The following PDE11A variants were observed in gnomAD, a reference collection of about 807,000 sequenced individuals.
PDE11A encodes dual 3',5'-cyclic-AMP and -GMP phosphodiesterase 11A.
A neutral mutation model predicts 100.5 loss-of-function variants in PDE11A; 100 were observed. The observed-to-expected ratio is 1.00, with a 90% confidence interval of 0.85 to 1.18. The LOEUF (loss-of-function observed/expected upper bound fraction) is 1.18. Among genes scored for constraint, PDE11A ranks in the 50% most tolerant of loss-of-function variants. PDE11A has a pLI of 0.00. For synonymous variants in PDE11A, 381 were observed against 420.8 expected, an observed-to-expected ratio of 0.91 and a Z score of 1.16; for missense variants, 1,141 against 1,152.6, an observed-to-expected ratio of 0.99 and a Z score of 0.15.
At chr2:177,945,445 A>G (rs2085400738) in intron 2 of PDE11A, among the ~76,000 whole-genome samples, 1 of 130,624 alleles carries the variant, frequency 7.7e-6, no homozygotes, top group Non-Finnish European at 1.7e-5. Context: ...CCATCGTCTG[A>G]GATGTGGGGA....
At chr2:177,705,387 G>A (rs1034758663) in intron 13 of PDE11A, among the ~76,000 whole-genome samples, 2 of 152,180 alleles carry the variant, frequency 1.3e-5, no homozygotes, top group East Asian at 3.8e-4. Flanking sequence ...TAGGGTGTAT[G>A]GAGAGAGGAA....
intron 10 of PDE11A, among the ~76,000 whole-genome samples, chr2:177,728,582 G>A (rs1053281874): frequency 2.0e-5 from 3 of 152,040 alleles, no homozygotes; most frequent in African/African-American, 4.8e-5. Flanking sequence ...AGAAGGAGAA[G>A]GGAATACACC....
At chr2:177,777,822 C>T (rs6743821) in intron 9 of PDE11A, among the ~76,000 whole-genome samples, 50,605 of 152,018 alleles carry the variant, frequency 0.33, 8,795 homozygotes, top group African/African-American at 0.39. Flanking sequence ...CATACAAAAG[C>T]AAACAGTTAA....
At chr2:177,720,786 G>A (rs4893987) in intron 12 of PDE11A, among the ~76,000 whole-genome samples, 78,546 of 152,040 alleles carry the variant, frequency 0.52, 23,561 homozygotes, top group East Asian at 0.86. Context: ...ATTGATTTAG[G>A]CCTAACTGGT....
intron 1 of PDE11A, among the ~76,000 whole-genome samples, chr2:178,045,179 T>TA (rs1237128093): frequency 1.3e-5 from 2 of 152,190 alleles, no homozygotes; most frequent in African/African-American, 2.4e-5. Flanking sequence ...CTCTTTGTTT[T>TA]ATGATGGATA....
intron 2 of PDE11A, among the ~76,000 whole-genome samples, chr2:177,928,980 T>C (rs1293079104): frequency 1.3e-5 from 2 of 152,192 alleles, no homozygotes; most frequent in Non-Finnish European, 2.9e-5. Flanking sequence ...AAGTAAACTG[T>C]GCTCTTTTAG....
intron 12 of PDE11A, among the ~76,000 whole-genome samples, chr2:177,725,868 T>C (rs1423922320): frequency 6.6e-6 from 1 of 152,174 alleles, no homozygotes; most frequent in Non-Finnish European, 1.5e-5. Context: ...GTCCTTGACA[T>C]TTCTAACTCA....
At chr2:178,031,056 T>A (rs987749767) in intron 1 of PDE11A, among the ~76,000 whole-genome samples, 2 of 152,088 alleles carry the variant, frequency 1.3e-5, no homozygotes, top group Admixed American at 6.6e-5. Context: ...ATTCACCACA[T>A]TAATAGTGTA....
chr2:177,951,767 A>G (rs1295259448), intron 2 of PDE11A, among the ~76,000 whole-genome samples: 3 of 152,234 alleles, frequency 2.0e-5, no homozygotes, highest in Non-Finnish European at 4.4e-5. Flanking sequence ...CTTACCTGAC[A>G]GTAAACCCCA....
intron 19 of PDE11A, among the ~76,000 whole-genome samples, chr2:177,632,795 G>T (rs1461553629): frequency 2.0e-5 from 3 of 152,260 alleles, no homozygotes; most frequent in African/African-American, 7.2e-5. Flanking sequence ...TGTCATAGGG[G>T]AAGTGACTTA....
At chr2:177,979,012 G>T (rs2085842573) in intron 2 of PDE11A, among the ~76,000 whole-genome samples, 2 of 134,256 alleles carry the variant, frequency 1.5e-5, no homozygotes, top group Non-Finnish European at 1.6e-5. Flanking sequence ...CACCAGCATG[G>T]CACATGTATA....
chr2:178,049,352 C>G (rs6738098), intron 1 of PDE11A, among the ~76,000 whole-genome samples: 119,209 of 152,112 alleles, frequency 0.78, 47,917 homozygotes, highest in Non-Finnish European at 0.86. Flanking sequence ...TGTCTTTAAA[C>G]TGCCAGGCTT....
Position 177,822,580 on chromosome 2 carries a change from G to C in PDE11A, c.1501-2285C>G, listed in dbSNP as rs149659953. Reference sequence around the variant, plus strand: ...TTGTCTTGACTATTTTTGACCTCTGGCATTTACATATAAATTTTAGAATCA... The same window carrying C: ...TTGTCTTGACTATTTTTGACCTCTGCCATTTACATATAAATTTTAGAATCA... On this transcript the variant is annotated intron_variant, in intron 6 of 19. Coordinates refer to ENST00000286063, the MANE Select transcript of PDE11A (RefSeq NM_016953.4). 1.3e-5 allele frequency among the ~76,000 whole-genome samples: 2 copies of C among 151,944 alleles called. 1 individual carries two copies. Among genetic ancestry groups the C allele is most frequent in the East Asian group, 3.9e-4 (2 of 5,176 alleles).
At chr2:177,858,381 T>C (rs200245200) in intron 5 of PDE11A, among the ~76,000 whole-genome samples, 2 of 148,896 alleles carry the variant, frequency 1.3e-5, no homozygotes, top group African/African-American at 5.0e-5. Flanking sequence ...AATCTACAAT[T>C]AACTCAAACA....
intron 10 of PDE11A, among the ~76,000 whole-genome samples, chr2:177,737,836 C>T (rs767526973): frequency 3.0e-4 from 46 of 152,200 alleles, no homozygotes; most frequent in Admixed American, 7.9e-4. Flanking sequence ...GTCTTGTTTA[C>T]TGTTGTGTCC....
At chr2:177,637,997 A>AT (rs10556235) in intron 19 of PDE11A, among the ~76,000 whole-genome samples, 1,131 of 106,490 alleles carry the variant, frequency 0.011, 93 homozygotes, top group African/African-American at 0.043. Context: ...ATATATATAT[A>AT]TTTTTTTTTT....
chr2:177,675,586 A>G (rs761121907), intron 16 of PDE11A, 68 bp from the exon 17 acceptor site: 3 of 1,112,568 alleles, frequency 2.7e-6, no homozygotes, highest in South Asian at 1.3e-5. Context: ...AACCCGTCCT[A>G]GATACATAAA....
intron 2 of PDE11A, among the ~76,000 whole-genome samples, chr2:177,930,810 C>A (rs904104579): frequency 1.3e-4 from 20 of 152,172 alleles, no homozygotes; most frequent in Admixed American, 4.6e-4. Flanking sequence ...GATTAACACA[C>A]CCTGAATCCC....
At chr2:177,816,242 T>C (rs182622016) in intron 9 of PDE11A, among the ~76,000 whole-genome samples, 178 of 151,904 alleles carry the variant, frequency 1.2e-3, no homozygotes, top group Admixed American at 4.1e-3. Context: ...GAGCAGAAGC[T>C]AGAAAAAAAC....
Sources: gnomAD v4.1 joint callset for allele counts (sites outside exome capture counted in the v4.1 genomes callset) on GRCh38, gnomAD v4.1.1 for gene constraint, MANE v1.5 for transcripts, NCBI Gene and HGNC (gene_info 2026-07-23, HGNC 2026-07-21) for gene names.